Variants in TENM2 observed in about 807,000 individuals in gnomAD.
The protein encoded by TENM2 is teneurin transmembrane protein 2.
In TENM2, 52 loss-of-function variants were observed where a neutral mutation model predicts 245.2. The ratio of observed to expected loss-of-function variants is 0.21; its 90% CI spans 0.17 to 0.27. The LOEUF (loss-of-function observed/expected upper bound fraction) is 0.27. Ranked by LOEUF, TENM2 falls within the 10% of genes least tolerant of loss-of-function variation. TENM2 has a pLI of 1.00. For missense variants in TENM2, 3,046 were observed against 3,666.8 expected (o/e 0.83, Z 4.37); for synonymous variants, 1,363 against 1,438.9 (o/e 0.95, Z 1.19).
At chr5:167,421,187 A>G (rs1357446128) in intron 2 of TENM2, among the ~76,000 whole-genome samples, 1 of 152,216 alleles carries the variant, frequency 6.6e-6, no homozygotes, top group Non-Finnish European at 1.5e-5. Flanking sequence ...CACATTGTTG[A>G]TATCTCAAAA....
chr5:167,767,780 G>A (rs972187643), intron 2 of TENM2, among the ~76,000 whole-genome samples: 3 of 152,134 alleles, frequency 2.0e-5, no homozygotes, highest in African/African-American at 7.2e-5. Context: ...TTTGTATTTT[G>A]AACTCTGATA....
chr5:168,120,634 G>A (rs1423960611), intron 10 of TENM2, among the ~76,000 whole-genome samples: 2 of 152,134 alleles, frequency 1.3e-5, no homozygotes, highest in Admixed American at 6.5e-5. Flanking sequence ...AACAAGCCAC[G>A]TGAATCATTA....
Position 167,943,932 on chromosome 5 carries a change from G to A in TENM2, c.713-8656G>A, listed in dbSNP as rs1268146763. On this transcript the variant is annotated intron_variant, in intron 3 of 28. Coordinates refer to ENST00000518659, the Ensembl canonical transcript of TENM2. ...AGATAGGCACTGCTCAGACGTAACT[G>A]TGTAATAAAATCTTCTCTTTAGAAG... Among the ~76,000 whole-genome samples, 3 of 152,284 alleles carry A rather than the reference G, an allele frequency of 2.0e-5. No individual in the cohort carries two copies. The East Asian group carries it at 5.8e-4, about 29-fold the overall frequency.
At chr5:167,570,586 T>C (rs1774204318) in intron 2 of TENM2, among the ~76,000 whole-genome samples, 1 of 151,734 alleles carries the variant, frequency 6.6e-6, no homozygotes, top group Non-Finnish European at 1.5e-5. Flanking sequence ...AGTGCATTCT[T>C]GAGAAGGGGA....
At chr5:167,755,511 G>A (rs1053834237) in intron 2 of TENM2, among the ~76,000 whole-genome samples, 2 of 151,112 alleles carry the variant, frequency 1.3e-5, no homozygotes, top group African/African-American at 2.4e-5. Flanking sequence ...TTTATTAACT[G>A]TAAACATCTG....
At chr5:167,359,547 T>C (rs891942306) in intron 1 of TENM2, among the ~76,000 whole-genome samples, 18 of 152,204 alleles carry the variant, frequency 1.2e-4, no homozygotes, top group Non-Finnish European at 2.6e-4. Flanking sequence ...TACCACCTTT[T>C]AAGATATTAC....
At chr5:167,391,207 C>T (rs1256379954) in intron 2 of TENM2, among the ~76,000 whole-genome samples, 1 of 152,020 alleles carries the variant, frequency 6.6e-6, no homozygotes, top group Non-Finnish European at 1.5e-5. Context: ...TCCATTTCAT[C>T]AAGAATTTAG....
At chr5:167,792,050 C>T (rs1765015826) in intron 2 of TENM2, among the ~76,000 whole-genome samples, 1 of 152,140 alleles carries the variant, frequency 6.6e-6, no homozygotes. Context: ...GGAGAGTAAA[C>T]TATTTGTTAT....
chr5:167,689,999 T>C (rs964256813), intron 2 of TENM2, among the ~76,000 whole-genome samples: 3 of 152,128 alleles, frequency 2.0e-5, no homozygotes, highest in Non-Finnish European at 2.9e-5. Flanking sequence ...AGGGTTCTTT[T>C]GGTTTGCCAT....
intron 2 of TENM2, among the ~76,000 whole-genome samples, chr5:167,596,372 T>C (rs183844917): frequency 1.9e-4 from 29 of 152,094 alleles, no homozygotes; most frequent in Non-Finnish European, 2.9e-4. Context: ...TACTGGACTG[T>C]CCCCCCCAAG....
chr5:167,034,554 C>T, the TENM2 span, among the ~76,000 whole-genome samples: 4 of 144,254 alleles, frequency 2.8e-5, no homozygotes, highest in Admixed American at 7.2e-5. Context: ...AGCGTGAACC[C>T]GAGAGGCGGA....
Position 168,123,232 on chromosome 5 carries a change from G to A in TENM2, c.2009-1618G>A, listed in dbSNP as rs6882484. On this transcript the variant is annotated intron_variant, in intron 10 of 28. Coordinates refer to ENST00000518659, the Ensembl canonical transcript of TENM2. ...TAGGATCACTTGAGCTCAGGTGTTC[G>A]AGACTACAATGAGCTATGATCATAC... 7.7e-3 allele frequency among the ~76,000 whole-genome samples: 1,172 copies of A among 152,076 alleles called. 8 individuals are homozygous for A. Among genetic ancestry groups the A allele is most frequent in the African/African-American group, 0.027 (1,124 of 41,484 alleles).
rs114776196 is a variant in TENM2 at position 167,375,193 on chromosome 5, C to A, written c.227-5C>A. 18,445 of 1,551,070 alleles carry A rather than the reference C, an allele frequency of 0.012. 172 individuals are homozygous for A. Among genetic ancestry groups the A allele is most frequent in the East Asian group, 0.035 (1,418 of 40,888 alleles). ...TAATCAGCTTCTCTGTCACTGTCAC[C>A]CTAGGAACCAACTTCACCCTTGCCG... On this transcript the variant is annotated splice_region_variant and splice_polypyrimidine_tract_variant and intron_variant, in intron 1 of 28. Transcript: ENST00000518659.
chr5:167,151,716 A>T, the TENM2 span, among the ~76,000 whole-genome samples: 1 of 152,032 alleles, frequency 6.6e-6, no homozygotes, highest in Admixed American at 6.5e-5. Flanking sequence ...ATGGGGTTTC[A>T]CCATGTTGGC....
intron 2 of TENM2, among the ~76,000 whole-genome samples, chr5:167,872,212 G>T (rs1772884075): frequency 6.6e-6 from 1 of 151,422 alleles, no homozygotes; most frequent in Non-Finnish European, 1.5e-5. Flanking sequence ...GGTGGAGGTT[G>T]CAGTGAGCCG....
chr5:167,326,702 AATATATAT>A (rs70976411), intron 1 of TENM2, among the ~76,000 whole-genome samples: 1 of 143,220 alleles, frequency 7.0e-6, no homozygotes, highest in African/African-American at 2.6e-5. Flanking sequence ...ATAATAAATA[AATATATAT>A]ATATATATAT....
the TENM2 span, among the ~76,000 whole-genome samples, chr5:167,218,951 A>T: frequency 6.6e-6 from 1 of 152,210 alleles, no homozygotes; most frequent in Non-Finnish European, 1.5e-5. Context: ...GTCACATAGG[A>T]AGTAGCAAAG....
chr5:167,843,186 T>C (rs1769708360), intron 2 of TENM2, among the ~76,000 whole-genome samples: 1 of 152,106 alleles, frequency 6.6e-6, no homozygotes, highest in Non-Finnish European at 1.5e-5. Flanking sequence ...TTCTGACAAA[T>C]GATGAAACAC....
chr5:167,748,891 G>T (rs1215053335), intron 2 of TENM2, among the ~76,000 whole-genome samples: 3 of 152,056 alleles, frequency 2.0e-5, no homozygotes. Flanking sequence ...GGGGATTACA[G>T]TTCAAGATGA....
Sources: gnomAD v4.1 joint callset for allele counts (sites outside exome capture counted in the v4.1 genomes callset) on GRCh38, gnomAD v4.1.1 for gene constraint, MANE v1.5 for transcripts, NCBI Gene and HGNC (gene_info 2026-07-23, HGNC 2026-07-21) for gene names.